Variants in NDUFS6 observed in about 807,000 individuals in gnomAD.
NDUFS6 encodes NADH:ubiquinone oxidoreductase subunit S6.
Under a neutral mutation model 13.2 loss-of-function variants are expected in NDUFS6, and 14 were observed. The observed-to-expected ratio is 1.06, with a 90% CI of 0.70 to 1.66. The LOEUF is 1.66. NDUFS6 is among the 40% of genes most tolerant of loss of function. The pLI, the probability that NDUFS6 is intolerant of heterozygous loss-of-function variation, is 0.00. For synonymous variants in NDUFS6, 95 were observed against 72.3 expected (o/e 1.31, Z -1.60); for missense variants, 206 against 170.8 (o/e 1.21, Z -1.15).
intron 2 of NDUFS6, among the ~76,000 whole-genome samples, chr5:1,810,483 T>C (rs1403322727): frequency 6.6e-6 from 1 of 152,232 alleles, no homozygotes; most frequent in Non-Finnish European, 1.5e-5. Flanking sequence ...GCTGGCTCAT[T>C]ACAGAGTCAG....
chr5:1,807,506 T>C (rs981561115), intron 2 of NDUFS6, among the ~76,000 whole-genome samples: 1 of 151,814 alleles, frequency 6.6e-6, no homozygotes, highest in African/African-American at 2.4e-5. Flanking sequence ...TGACCAGAGG[T>C]TCCTCCCTGA....
rs765658739 is a variant in NDUFS6, at chr5:1,801,438, C to T, written c.21C>T (p.Phe7=). The stretch of plus-strand genomic sequence containing the variant: ...GCAAAATGGCGGCGGCGATGACCTT[C>T]TGCCGGCTGCTGAACCGGTGTGGCG... MAAAMT[F]CRLLNRCGEA... is the part of the protein sequence containing the mutation. The change falls in exon 1 of 4, where the codon TTC becomes TTT. Residue 7 remains phenylalanine (F), a synonymous_variant. Coordinates refer to ENST00000274137, the MANE Select transcript of NDUFS6 (RefSeq NM_004553.6). 9 of 1,605,070 alleles carry T rather than the reference C, an allele frequency of 5.6e-6. No individual in the cohort carries two copies. The highest frequency in any genetic ancestry group is 7.6e-6 in the Non-Finnish European group (9 of 1,178,458).
At chr5:1,813,612 T>G (rs1352228830) in intron 2 of NDUFS6, among the ~76,000 whole-genome samples, 1 of 152,186 alleles carries the variant, frequency 6.6e-6, no homozygotes, top group Non-Finnish European at 1.5e-5. Flanking sequence ...GACACTTTTT[T>G]CATTCCGTTT....
chr5:1,802,180 G>A (rs914655647), intron 1 of NDUFS6, 141 bp from the exon 2 acceptor site: 38 of 752,252 alleles, frequency 5.1e-5, no homozygotes, highest in Non-Finnish European at 7.5e-5. Flanking sequence ...TGATTACACC[G>A]AGTACTGTGC....
chr5:1,801,651 C>G, intron 1 of NDUFS6, 102 bp downstream of exon 1: 3 of 1,472,602 alleles, frequency 2.0e-6, no homozygotes, highest in Non-Finnish European at 9.0e-7. Flanking sequence ...TCTGCGCCGG[C>G]AGCGCAGGTC....
At chr5:1,806,960 A>G (rs1218587995) in intron 2 of NDUFS6, among the ~76,000 whole-genome samples, 3 of 152,190 alleles carry the variant, frequency 2.0e-5, no homozygotes, top group Admixed American at 2.0e-4. Flanking sequence ...GTGGAATATT[A>G]TTCAGCCTTA....
chr5:1,805,186 C>T (rs923216884), intron 2 of NDUFS6, among the ~76,000 whole-genome samples: 3 of 152,074 alleles, frequency 2.0e-5, no homozygotes, highest in Non-Finnish European at 4.4e-5. Context: ...TAAAAATTAG[C>T]CTAGCATGGT....
chr5:1,805,578 C>T (rs1302544120), intron 2 of NDUFS6, among the ~76,000 whole-genome samples: 1 of 152,204 alleles, frequency 6.6e-6, no homozygotes, highest in African/African-American at 2.4e-5. Flanking sequence ...GAAGTCAGGC[C>T]TCACATGGTC....
At chr5:1,809,512 T>A (rs1488751528) in intron 2 of NDUFS6, among the ~76,000 whole-genome samples, 1 of 152,240 alleles carries the variant, frequency 6.6e-6, no homozygotes, top group Non-Finnish European at 1.5e-5. Context: ...ACTGAGCTCC[T>A]GGAGCCAGAC....
At chr5:1,808,354 A>G (rs1734160372) in intron 2 of NDUFS6, among the ~76,000 whole-genome samples, 1 of 152,188 alleles carries the variant, frequency 6.6e-6, no homozygotes, top group Non-Finnish European at 1.5e-5. Flanking sequence ...TTTATAGTGG[A>G]GTGAAGGCAA....
At chr5:1,808,437 G>A (rs1734161752) in intron 2 of NDUFS6, among the ~76,000 whole-genome samples, 1 of 152,220 alleles carries the variant, frequency 6.6e-6, no homozygotes, top group Admixed American at 6.5e-5. Flanking sequence ...GGCTTGGACT[G>A]TCAGAAATAA....
chr5:1,814,251 G>C lies in NDUFS6; in HGVS notation c.187-88G>C. ...GCATGCACCATAGATTCGTGCTGAT[G>C]GTACATGAATTTGTGTGTGGTGGGT... is the stretch of plus-strand genomic sequence containing the variant. On this transcript the variant is annotated intron_variant, in intron 2 of 3. Transcript: ENST00000274137. This position sits in a 1 kb window ranked among gnomAD's most constrained non-coding sequence, Gnocchi z 4.9. 6.4e-7 allele frequency: 1 copy of C among 1,560,146 alleles called. No individual in the cohort carries two copies. Among genetic ancestry groups the C allele is most frequent in the South Asian group, 1.1e-5 (1 of 89,808 alleles).
chr5:1,801,646 G>A, intron 1 of NDUFS6, 97 bp downstream of exon 1: 1 of 1,482,688 alleles, frequency 6.7e-7, no homozygotes, highest in Non-Finnish European at 9.0e-7. Context: ...CTGGTTCTGC[G>A]CCGGCAGCGC....
intron 2 of NDUFS6, among the ~76,000 whole-genome samples, chr5:1,808,828 T>C (rs896482108): frequency 6.6e-6 from 1 of 152,272 alleles, no homozygotes; most frequent in African/African-American, 2.4e-5. Flanking sequence ...TATATAGACA[T>C]GTATACACAC....
At chr5:1,810,641 T>G (rs1441388976) in intron 2 of NDUFS6, among the ~76,000 whole-genome samples, 3 of 152,232 alleles carry the variant, frequency 2.0e-5, no homozygotes, top group African/African-American at 7.2e-5. Flanking sequence ...AATGATTCCC[T>G]TTTCCCATGT....
chr5:1,802,484 A>C, intron 2 of NDUFS6, 110 bp downstream of exon 2: 1 of 874,132 alleles, frequency 1.1e-6, no homozygotes, highest in Non-Finnish European at 1.8e-6. Flanking sequence ...CCATATTGCA[A>C]GCACCCTAAC....
chr5:1,809,590 G>T (rs577654056), intron 2 of NDUFS6, among the ~76,000 whole-genome samples: 1 of 152,226 alleles, frequency 6.6e-6, no homozygotes, highest in South Asian at 2.1e-4. Flanking sequence ...AGGGCATCCC[G>T]CGTCAGTCGC....
chr5:1,806,542 T>C (rs1400043913), intron 2 of NDUFS6, among the ~76,000 whole-genome samples: 2 of 152,214 alleles, frequency 1.3e-5, no homozygotes, highest in Admixed American at 1.3e-4. Context: ...GCGTGCTGTT[T>C]TGTTGCGATA....
chr5:1,805,254 T>TG lies in NDUFS6; in HGVS notation c.186+2883dup, dbSNP rs1426960972. On this transcript the variant is annotated intron_variant, in intron 2 of 3. Transcript: ENST00000274137. Reference sequence around the variant, plus strand: ...GCTGAGGTGGGAGGGTCATTGAGTCTGGGAGGTTGAGGCTGCAGGGAGCTG... The same window carrying TG: ...GCTGAGGTGGGAGGGTCATTGAGTCTGGGGAGGTTGAGGCTGCAGGGAGCTG... Among the ~76,000 whole-genome samples the TG allele has an allele frequency of 5.9e-5, 9 of 152,200 alleles. No individual in the cohort carries two copies. In the East Asian group the frequency reaches 1.7e-3, roughly 29 times the overall value.
Sources: allele counts gnomAD v4.1 joint callset (sites outside exome capture counted in the v4.1 genomes callset), GRCh38; gene constraint gnomAD v4.1.1; non-coding constraint Gnocchi (gnomAD v3.1); transcripts MANE v1.5; gene names NCBI Gene and HGNC (gene_info 2026-07-23, HGNC 2026-07-21).